The following ARID1B variants were observed in gnomAD, a reference collection of about 807,000 sequenced individuals.
ARID1B encodes the protein AT-rich interactive domain-containing protein 1B.
In ARID1B, 30 loss-of-function variants were observed where a neutral mutation model predicts 212.3. The observed-to-expected ratio is 0.14, with a 90% CI of 0.11 to 0.19. ARID1B has a LOEUF of 0.19. Among genes scored for constraint, ARID1B ranks in the 10% least tolerant of loss-of-function variants. The pLI is 1.00. For synonymous variants in ARID1B, 1,402 were observed against 1,301.7 expected, an observed-to-expected ratio of 1.08 and a Z score of -1.66; for missense variants, 2,891 against 3,204.0, an observed-to-expected ratio of 0.90 and a Z score of 2.36.
At chr6:156,776,437 C>T (rs374413385), upstream of ARID1B, 1 of 152,226 alleles carries the variant, frequency 6.6e-6, no homozygotes, top group East Asian at 1.9e-4. Flanking sequence ...TTTCGTTCCA[C>T]ATCTCTTTGA....
chr6:157,185,298 T>G (rs571423798), intron 13 of ARID1B: 1 of 152,462 alleles, frequency 6.6e-6, no homozygotes, highest in East Asian at 1.9e-4. Flanking sequence ...GATCCGACCA[T>G]TCTCTTATCT....
rs548630248 is a variant in ARID1B, at chr6:156,805,942, G to A, written c.1792-23285G>A. ...TCCTCCTGCCTTGGCCTCCTGATGT[G>A]TTGGGATTACAGGTGTGAGCCACTG... On this transcript the variant is annotated intron_variant, in intron 1 of 19. Transcript: ENST00000636930. Among the ~76,000 whole-genome samples the A allele has an allele frequency of 8.5e-5, 13 of 152,254 alleles. No individual in the cohort carries two copies. In the East Asian group the frequency reaches 2.5e-3, roughly 29 times the overall value.
At chr6:156,934,561 T>C (rs1333977510) in intron 3 of ARID1B, among the ~76,000 whole-genome samples, 5 of 152,152 alleles carry the variant, frequency 3.3e-5, no homozygotes, top group South Asian at 2.1e-4. Flanking sequence ...CATGAACATA[T>C]GGAGTTCTAT....
In ARID1B at chr6:156,904,430, CAAT is replaced by C. The variant is rs1288393122; in HGVS notation, c.2136+2906_2136+2908del. On this transcript the variant is annotated intron_variant, in intron 3 of 19. Coordinates refer to ENST00000636930, the MANE Select transcript of ARID1B (RefSeq NM_001374828.1). ...TTAGTTCTGGTTATTTGAATTGAAA[CAAT>C]GATGCCATGCTAAACTTTGTGTATG... is the stretch of plus-strand genomic sequence containing the variant. Among the ~76,000 whole-genome samples the C allele has an allele frequency of 6.6e-5, 10 of 152,272 alleles. 1 individual carries two copies. The highest frequency in any genetic ancestry group is 3.9e-4 in the Admixed American group (6 of 15,296).
At chr6:156,865,930 T>A (rs1261911553) in intron 2 of ARID1B, among the ~76,000 whole-genome samples, 1 of 152,222 alleles carries the variant, frequency 6.6e-6, no homozygotes, top group Non-Finnish European at 1.5e-5. Context: ...GTACTCTGTT[T>A]TGCATAGTTT....
chr6:157,102,824 C>A (rs1022681974), intron 5 of ARID1B, among the ~76,000 whole-genome samples: 1 of 151,900 alleles, frequency 6.6e-6, no homozygotes, highest in African/African-American at 2.4e-5. Flanking sequence ...GCCTCAAACT[C>A]CTGACCTCGT....
At chr6:156,872,024 C>T (rs1288041448) in intron 2 of ARID1B, among the ~76,000 whole-genome samples, 1 of 152,148 alleles carries the variant, frequency 6.6e-6, no homozygotes, top group Admixed American at 6.5e-5. Flanking sequence ...TGAATATGTG[C>T]ATATATGATA....
intron 2 of ARID1B, among the ~76,000 whole-genome samples, chr6:156,866,193 T>G (rs1013400723): frequency 2.8e-4 from 43 of 152,116 alleles, no homozygotes; most frequent in African/African-American, 1.0e-3. Flanking sequence ...TGCTGGGGGA[T>G]TCTGTGGATA....
At chr6:157,184,178 T>C in intron 12 of ARID1B, 53 bp from the exon 13 acceptor site, 1 of 1,530,298 alleles carries the variant, frequency 6.5e-7, no homozygotes, top group Non-Finnish European at 8.8e-7. Flanking sequence ...GTCTCCTGGC[T>C]TTAAACAAGC....
chr6:156,886,049 C>A (rs1787475021), intron 2 of ARID1B, among the ~76,000 whole-genome samples: 1 of 152,162 alleles, frequency 6.6e-6, no homozygotes, highest in African/African-American at 2.4e-5. Context: ...GATGCTCAAC[C>A]AGCAATTATG....
At chr6:156,826,502 A>AATGT (rs1782749804) in intron 1 of ARID1B, among the ~76,000 whole-genome samples, 1 of 152,182 alleles carries the variant, frequency 6.6e-6, no homozygotes, top group South Asian at 2.1e-4. Context: ...GTGCTTAGTA[A>AATGT]ATGTGTGGTG....
chr6:156,817,359 G>A (rs1179084127), intron 1 of ARID1B, among the ~76,000 whole-genome samples: 1 of 151,830 alleles, frequency 6.6e-6, no homozygotes, highest in Non-Finnish European at 1.5e-5. Flanking sequence ...AAAGCAGCCT[G>A]ATGTTGTGAC....
intron 8 of ARID1B, among the ~76,000 whole-genome samples, chr6:157,161,431 G>GTGTGTGTGTGTGTATATA (rs540423195): frequency 7.2e-6 from 1 of 139,376 alleles, no homozygotes; most frequent in African/African-American, 2.8e-5. Context: ...TTGTGTGTGT[G>GTGTGTGTGTGTGTATATA]TATATATATA....
intron 4 of ARID1B, among the ~76,000 whole-genome samples, chr6:157,082,897 T>A (rs1026391574): frequency 1.3e-5 from 2 of 152,244 alleles, no homozygotes; most frequent in African/African-American, 4.8e-5. Context: ...TTCTATAGCA[T>A]TTCTCTTTTT....
chr6:156,946,753 C>A (rs1793185849), intron 4 of ARID1B, among the ~76,000 whole-genome samples: 1 of 151,994 alleles, frequency 6.6e-6, no homozygotes, highest in Non-Finnish European at 1.5e-5. Flanking sequence ...TCTGTGTGAC[C>A]AGGATGTGTT....
chr6:157,167,172 G>A lies in ARID1B; in HGVS notation c.3222G>A (p.Val1074=), dbSNP rs758749885. 3 of 1,607,510 alleles carry A rather than the reference G, an allele frequency of 1.9e-6. No individual in the cohort carries two copies. Among genetic ancestry groups the A allele is most frequent in the Non-Finnish European group, 2.5e-6 (3 of 1,179,710 alleles). ...APPYSMAPAM[V]NSSAASVGLA... is the part of the protein sequence containing the mutation. Reference sequence around the variant, plus strand: ...CCTACAGCATGGCGCCCGCCATGGTGAACAGCTCGGCAGGTAACCTTGGCA... The same window carrying A: ...CCTACAGCATGGCGCCCGCCATGGTAAACAGCTCGGCAGGTAACCTTGGCA... Residue 1074 remains valine (V), a synonymous_variant, in exon 9 of 20, where the codon GTG becomes GTA. Transcript: ENST00000636930.
At chr6:156,796,770 G>A (rs995795165) in intron 1 of ARID1B, among the ~76,000 whole-genome samples, 1 of 152,236 alleles carries the variant, frequency 6.6e-6, no homozygotes, top group Non-Finnish European at 1.5e-5. Flanking sequence ...AGCTGTGGGC[G>A]CAGGCTAGTG....
chr6:157,089,178 GC>G (rs1039114746), intron 5 of ARID1B, among the ~76,000 whole-genome samples: 2 of 152,112 alleles, frequency 1.3e-5, no homozygotes, highest in Admixed American at 1.3e-4. Flanking sequence ...TCCTGATGTT[GC>G]TTTCCTAGGA....
At chr6:156,873,894 C>T (rs994690058) in intron 2 of ARID1B, among the ~76,000 whole-genome samples, 6 of 152,200 alleles carry the variant, frequency 3.9e-5, no homozygotes, top group Non-Finnish European at 5.9e-5. Context: ...CAGCACCCGC[C>T]AAAGCATTTC....
Sources: allele counts gnomAD v4.1 joint callset (sites outside exome capture counted in the v4.1 genomes callset), GRCh38; gene constraint gnomAD v4.1.1; transcripts MANE v1.5; gene names NCBI Gene and HGNC (gene_info 2026-07-23, HGNC 2026-07-21).